Variants in NALF1 observed in about 807,000 individuals in gnomAD.
The protein encoded by NALF1 is NALCN channel auxiliary factor 1, also known as family with sequence similarity 155 member A.
A neutral mutation model predicts 48.4 loss-of-function variants in NALF1; 3 were observed. The observed-to-expected ratio is 0.06, with a 90% CI of 0.03 to 0.16. The LOEUF is 0.16. Among genes scored for constraint, NALF1 ranks in the 10% least tolerant of loss-of-function variants. The pLI is 1.00. For missense variants in NALF1, 526 were observed against 571.5 expected (o/e 0.92, Z 0.81); for synonymous variants, 262 against 245.7 (o/e 1.07, Z -0.62).
At position 107,685,108 on chromosome 13, in the gene NALF1, T is replaced by C. The variant is rs372777528; in HGVS notation, c.915+180574A>G. On this transcript the variant is annotated intron_variant, in intron 1 of 2. Coordinates refer to ENST00000375915, the MANE Select transcript of NALF1 (RefSeq NM_001080396.3). ...GGCAGGCGGATCAGGAGGTCAGGAGTTCGAGACCAGCCTGGCTAACATGGT... is the reference window on the plus strand; with the variant it reads ...GGCAGGCGGATCAGGAGGTCAGGAGCTCGAGACCAGCCTGGCTAACATGGT... 2.0e-5 allele frequency among the ~76,000 whole-genome samples: 3 copies of C among 152,042 alleles called. No individual in the cohort carries two copies. In the South Asian group the frequency reaches 6.2e-4, roughly 32 times the overall value.
At chr13:107,305,994 C>T (rs774383584) in intron 1 of NALF1, among the ~76,000 whole-genome samples, 46 of 152,140 alleles carry the variant, frequency 3.0e-4, no homozygotes, top group Middle Eastern at 6.8e-3. Context: ...AATCAACTAG[C>T]GGTGAGGGGA....
intron 1 of NALF1, among the ~76,000 whole-genome samples, chr13:107,370,261 TGGA>T (rs1212316464): frequency 1.3e-5 from 2 of 152,214 alleles, no homozygotes; most frequent in African/African-American, 4.8e-5. Flanking sequence ...GCACATGCAG[TGGA>T]TGAATCAGCA....
intron 1 of NALF1, among the ~76,000 whole-genome samples, chr13:107,577,863 G>A (rs973679794): frequency 5.9e-5 from 9 of 152,036 alleles, no homozygotes; most frequent in African/African-American, 2.2e-4. Flanking sequence ...CATCGCTTGA[G>A]TGGGCTCCTA....
chr13:107,508,771 A>T (rs1875783903), intron 1 of NALF1, among the ~76,000 whole-genome samples: 1 of 152,122 alleles, frequency 6.6e-6, no homozygotes, highest in South Asian at 2.1e-4. Context: ...CTGATGCAAA[A>T]TCAGAAAGAA....
chr13:107,616,940 T>C (rs559677679), intron 1 of NALF1, among the ~76,000 whole-genome samples: 5 of 152,174 alleles, frequency 3.3e-5, no homozygotes, highest in African/African-American at 7.2e-5. Context: ...AAATCTCTTA[T>C]AGAGCAAATT....
Position 107,549,608 on chromosome 13 carries a change from G to T in NALF1, c.915+316074C>A, listed in dbSNP as rs545831079. ...GTTAGTTCATTTACTTTATTATTCAGTGTGTATATATGGTTGTGTATACAT... is the reference window on the plus strand; with the variant it reads ...GTTAGTTCATTTACTTTATTATTCATTGTGTATATATGGTTGTGTATACAT... On this transcript the variant is annotated intron_variant, in intron 1 of 2. Transcript: ENST00000375915. 1.3e-4 allele frequency among the ~76,000 whole-genome samples: 20 copies of T among 152,230 alleles called. No homozygotes were observed. The South Asian group carries it at 4.1e-3, about 32-fold the overall frequency.
At chr13:107,503,039 C>A (rs1214660501) in intron 1 of NALF1, among the ~76,000 whole-genome samples, 1 of 152,112 alleles carries the variant, frequency 6.6e-6, no homozygotes, top group Admixed American at 6.6e-5. Flanking sequence ...TACCAGCAGA[C>A]TGGTTATGTT....
At chr13:107,817,233 A>C (rs1879195199) in intron 1 of NALF1, among the ~76,000 whole-genome samples, 1 of 152,268 alleles carries the variant, frequency 6.6e-6, no homozygotes, top group Non-Finnish European at 1.5e-5. Flanking sequence ...GACAAAAAGC[A>C]TTCACATTAA....
At chr13:107,460,535 T>C (rs1339912986) in intron 1 of NALF1, among the ~76,000 whole-genome samples, 2 of 152,220 alleles carry the variant, frequency 1.3e-5, no homozygotes, top group Non-Finnish European at 2.9e-5. Context: ...AATTCAATTT[T>C]TGTAGAAGGT....
Position 107,762,011 on chromosome 13 carries a change from T to C in NALF1, c.915+103671A>G, listed in dbSNP as rs558995500. ...ACTGCTATTATTGCTGTAATAAATA[T>C]TTTTATTGCCATCATCATTATTAAG... On this transcript the variant is annotated intron_variant, in intron 1 of 2. Coordinates refer to ENST00000375915, the MANE Select transcript of NALF1 (RefSeq NM_001080396.3). Among the ~76,000 whole-genome samples the C allele has an allele frequency of 2.0e-5, 3 of 152,348 alleles. No homozygotes were observed. The East Asian group carries it at 5.8e-4, about 29-fold the overall frequency.
chr13:107,498,653 A>C (rs1174230858), intron 1 of NALF1, among the ~76,000 whole-genome samples: 1 of 152,186 alleles, frequency 6.6e-6, no homozygotes, highest in African/African-American at 2.4e-5. Context: ...CTGGCAAATG[A>C]GACAATCTCA....
At chr13:107,254,501 T>A (rs1594091295) in intron 1 of NALF1, among the ~76,000 whole-genome samples, 1 of 152,148 alleles carries the variant, frequency 6.6e-6, no homozygotes, top group African/African-American at 2.4e-5. Context: ...GACACCATAG[T>A]CCACAAAGCA....
At chr13:107,794,995 A>G (rs889901479) in intron 1 of NALF1, among the ~76,000 whole-genome samples, 7 of 152,318 alleles carry the variant, frequency 4.6e-5, no homozygotes, top group Admixed American at 4.6e-4. Flanking sequence ...ACAAAAAGAA[A>G]AAAATATTTA....
chr13:107,181,616 T>TTC lies in NALF1; in HGVS notation c.1088-10831_1088-10830insGA, dbSNP rs1170611706. ...TCCTTGTGTCTTACTATATAGACTT[T>TTC]TTTTTTTTTTGCAAATGTTAGTATT... On this transcript the variant is annotated intron_variant, in intron 2 of 2. Coordinates refer to ENST00000375915, the MANE Select transcript of NALF1 (RefSeq NM_001080396.3). 2.0e-5 allele frequency among the ~76,000 whole-genome samples: 3 copies of TTC among 151,236 alleles called. No individual in the cohort carries two copies. In the East Asian group the frequency reaches 5.8e-4, roughly 29 times the overall value.
intron 1 of NALF1, among the ~76,000 whole-genome samples, chr13:107,759,689 T>C (rs948935968): frequency 2.0e-5 from 3 of 152,176 alleles, no homozygotes; most frequent in Non-Finnish European, 4.4e-5. Flanking sequence ...TACTGTGTTC[T>C]TACCTTACTG....
intron 1 of NALF1, among the ~76,000 whole-genome samples, chr13:107,625,544 A>G (rs1409126296): frequency 6.6e-6 from 1 of 152,128 alleles, no homozygotes; most frequent in Non-Finnish European, 1.5e-5. Context: ...AGGCACCAAC[A>G]GTCTAAACAA....
intron 2 of NALF1, among the ~76,000 whole-genome samples, chr13:107,206,643 G>C (rs902940458): frequency 3.9e-5 from 6 of 152,050 alleles, no homozygotes; most frequent in Non-Finnish European, 7.4e-5. Flanking sequence ...GGAATCCTAG[G>C]TATCAGTATA....
chr13:107,642,691 A>T (rs1175449375), intron 1 of NALF1, among the ~76,000 whole-genome samples: 1 of 152,200 alleles, frequency 6.6e-6, no homozygotes, highest in Admixed American at 6.5e-5. Flanking sequence ...AGGTAAAAAG[A>T]TCACAAAGAC....
At chr13:107,728,951 T>C (rs1876235539) in intron 1 of NALF1, among the ~76,000 whole-genome samples, 2 of 152,186 alleles carry the variant, frequency 1.3e-5, no homozygotes, top group South Asian at 4.1e-4. Context: ...GGAAGACATT[T>C]TGACTTTCTT....
Sources: allele counts gnomAD v4.1 joint callset (sites outside exome capture counted in the v4.1 genomes callset), GRCh38; gene constraint gnomAD v4.1.1; transcripts MANE v1.5; gene names NCBI Gene and HGNC (gene_info 2026-07-23, HGNC 2026-07-21).